Variants in TRIM25 observed in about 807,000 individuals in gnomAD.
TRIM25 encodes the protein tripartite motif containing 25.
Under a neutral mutation model 65.2 loss-of-function variants are expected in TRIM25, and 45 were observed. The observed-to-expected ratio is 0.69, with a 90% CI of 0.54 to 0.89. The LOEUF (loss-of-function observed/expected upper bound fraction) is 0.89. Ranked by LOEUF, TRIM25 falls within the 40% of genes least tolerant of loss-of-function variation. The pLI is 0.00. For missense variants in TRIM25, 714 were observed against 803.7 expected (o/e 0.89, Z 1.35); for synonymous variants, 321 against 340.4 (o/e 0.94, Z 0.63).
At chr17:56,903,336 T>C (rs1410072736) in intron 3 of TRIM25, among the ~76,000 whole-genome samples, 1 of 151,790 alleles carries the variant, frequency 6.6e-6, no homozygotes, top group Non-Finnish European at 1.5e-5. Context: ...GGGGCAGAGG[T>C]TTCAGTGAGC....
chr17:56,906,177 C>T (rs1259791461), intron 2 of TRIM25, among the ~76,000 whole-genome samples: 3 of 151,884 alleles, frequency 2.0e-5, no homozygotes, highest in Admixed American at 6.6e-5. Flanking sequence ...GATTAGATCA[C>T]GAGGGCTCTG....
At position 56,901,692 on chromosome 17, in the gene TRIM25, G is replaced by A. The variant is rs980922940; in HGVS notation, c.928-114C>T. The A allele has an allele frequency of 1.1e-5, 15 of 1,364,626 alleles. No individual in the cohort carries two copies. In the African/African-American group the frequency reaches 2.0e-4, roughly 18 times the overall value. The allele number at this position is 1,364,626 out of a possible 1,614,324, so 84.5% of individuals were successfully genotyped here. ...ATGCCCAAGAGTGCTAAGTCCAATT[G>A]GCCTTCTCAAATTACAGGCCAGAGG... is the stretch of plus-strand genomic sequence containing the variant. On this transcript the variant is annotated intron_variant, in intron 3 of 8. Coordinates refer to ENST00000316881, the MANE Select transcript of TRIM25 (RefSeq NM_005082.5).
At position 56,892,048 on chromosome 17, in the gene TRIM25, C is replaced by T. The variant is rs776935140; in HGVS notation, c.1545G>A (p.Glu515=). 8.1e-6 allele frequency: 13 copies of T among 1,614,078 alleles called. No homozygotes were observed. In the East Asian group the frequency reaches 2.7e-4, roughly 33 times the overall value. Residue 515 remains glutamate, a synonymous_variant, in exon 9 of 9, where the codon GAG becomes GAA. Coordinates refer to ENST00000316881, the MANE Select transcript of TRIM25 (RefSeq NM_005082.5). Reference sequence around the variant, plus strand: ...AGAAGTTGTTCTTCTGCAGCTCCACCTCCCAGTAGTGGATCCCCTTCTTGT... The same window carrying T: ...AGAAGTTGTTCTTCTGCAGCTCCACTTCCCAGTAGTGGATCCCCTTCTTGT... The part of the protein sequence containing the change: ...HCYKKGIHYW[E]VELQKNNFCG...
Position 56,913,598 on chromosome 17 carries a change from G to T in TRIM25, c.391C>A (p.Leu131Met). ...VCMASFCQEH[L>M]QPHFDSPAFQ... The stretch of plus-strand genomic sequence containing the variant: ...GCGGGGCTGTCGAAGTGCGGCTGCA[G>T]GTGCTCCTGACAGAAGGAGGCCATG... The change falls in exon 1 of 9, where the codon CTG becomes ATG. Residue 131 changes from leucine (L) to methionine (M), a missense_variant. By Grantham distance (15) the Leu-to-Met change is conservative. Transcript: ENST00000316881. This position sits in a 1 kb window ranked among gnomAD's most constrained non-coding sequence, Gnocchi z 6.1. 1 of 1,609,746 alleles carries T rather than the reference G, an allele frequency of 6.2e-7. No individual in the cohort carries two copies. The highest frequency in any genetic ancestry group is 8.5e-7 in the Non-Finnish European group (1 of 1,177,618).
chr17:56,892,530 T>C (rs893847769), intron 8 of TRIM25, among the ~76,000 whole-genome samples: 1 of 152,180 alleles, frequency 6.6e-6, no homozygotes, highest in Non-Finnish European at 1.5e-5. Context: ...TCCACTTATC[T>C]ATCCATCCTT....
rs1909158134 is a variant in TRIM25 at position 56,890,947 on chromosome 17, C to T, written c.*753G>A. ...TATGATACTTAGGAAGGATTTCCAC[C>T]CAAACTGGATCAGGGTCACCATGAC... On this transcript the variant is annotated 3_prime_UTR_variant, in exon 9 of 9. Transcript: ENST00000316881. 1 of 455,338 alleles carries T rather than the reference C, an allele frequency of 2.2e-6. No homozygotes were observed. Among genetic ancestry groups the T allele is most frequent in the East Asian group, 7.0e-5 (1 of 14,368 alleles). 28.2% of individuals were successfully genotyped at this position (455,338 alleles called of 1,614,324 possible).
At chr17:56,893,183 G>A (rs1909217589) in intron 8 of TRIM25, among the ~76,000 whole-genome samples, 1 of 150,134 alleles carries the variant, frequency 6.7e-6, no homozygotes, top group African/African-American at 2.5e-5. Flanking sequence ...GGGCTTAGGA[G>A]GCTAGACTTT....
chr17:56,911,591 A>AG (rs1452785852), intron 1 of TRIM25, among the ~76,000 whole-genome samples: 1 of 151,620 alleles, frequency 6.6e-6, no homozygotes, highest in Non-Finnish European at 1.5e-5. Flanking sequence ...AAAAAAAAAA[A>AG]AATTCTGATT....
chr17:56,904,156 C>T, intron 3 of TRIM25, 99 bp downstream of exon 3: 1 of 1,016,770 alleles, frequency 9.8e-7, no homozygotes, highest in Non-Finnish European at 1.5e-6. Flanking sequence ...TTCCAGTGAC[C>T]TCTTCCAGTC....
intron 8 of TRIM25, among the ~76,000 whole-genome samples, chr17:56,893,728 C>G (rs1011372852): frequency 1.3e-5 from 2 of 152,112 alleles, no homozygotes; most frequent in Non-Finnish European, 2.9e-5. Flanking sequence ...CCAGGTTGGA[C>G]GAGCTTGCAA....
chr17:56,893,412 C>A (rs1051742333), intron 8 of TRIM25, among the ~76,000 whole-genome samples: 1 of 152,190 alleles, frequency 6.6e-6, no homozygotes, highest in African/African-American at 2.4e-5. Context: ...CCGCTAGCAG[C>A]TTGGGCAAGA....
Position 56,913,411 on chromosome 17 carries a change from T to C in TRIM25, c.578A>G (p.Gln193Arg). 2 of 1,573,410 alleles carry C rather than the reference T, an allele frequency of 1.3e-6. No individual in the cohort carries two copies. The highest frequency in any genetic ancestry group is 1.7e-6 in the Non-Finnish European group (2 of 1,154,170). The change falls in exon 1 of 9, where the codon CAG (glutamine) becomes CGG (arginine). Residue 193 changes from glutamine (Q) to arginine (R), a missense_variant. Gln to Arg is a conservative substitution (Grantham distance 43, BLOSUM62 1). This residue lies in a region of TRIM25 where 291 missense variants were observed against 281.8 expected (regional missense o/e 1.03). Coordinates refer to ENST00000316881, the MANE Select transcript of TRIM25 (RefSeq NM_005082.5). This position sits in a 1 kb window ranked among gnomAD's most constrained non-coding sequence, Gnocchi z 6.1. ...HKTCSPASLS[Q>R]ASADLEATLR... ...CCCTACCTCCAGGTCGGCGCTGGCCTGGCTCAGGGACGCGGGAGAGCAGGT... is the reference window on the plus strand; with the variant it reads ...CCCTACCTCCAGGTCGGCGCTGGCCCGGCTCAGGGACGCGGGAGAGCAGGT...
At position 56,891,433 on chromosome 17, in the gene TRIM25, G is replaced by A; in HGVS notation, c.*267C>T. 2.1e-6 allele frequency: 1 copy of A among 485,528 alleles called. No individual in the cohort carries two copies. Among genetic ancestry groups the A allele is most frequent in the Non-Finnish European group, 3.7e-6 (1 of 267,728 alleles). The allele number at this position is 485,528 out of a possible 1,614,324, so 30.1% of individuals were successfully genotyped here. On this transcript the variant is annotated 3_prime_UTR_variant, in exon 9 of 9. Coordinates refer to ENST00000316881, the MANE Select transcript of TRIM25 (RefSeq NM_005082.5). ...TCCCAGAGCTCTGCCCAGCTGCCCA[G>A]CAGCCTGGAGATTTCCAGAACAATG...
chr17:56,911,652 G>T (rs1363841448), intron 1 of TRIM25, among the ~76,000 whole-genome samples: 1 of 152,114 alleles, frequency 6.6e-6, no homozygotes, highest in East Asian at 1.9e-4. Context: ...TACTCAGGAG[G>T]CTAAGATGGG....
Position 56,898,746 on chromosome 17 carries a change from G to A in TRIM25, c.1153+369C>T, listed in dbSNP as rs577081854. The stretch of plus-strand genomic sequence containing the variant: ...ACAGTTGAGAAACATGGTAATAGCA[G>A]AAGCCCATTACAACCCAGAGACTTA... On this transcript the variant is annotated intron_variant, in intron 5 of 8. Coordinates refer to ENST00000316881, the MANE Select transcript of TRIM25 (RefSeq NM_005082.5). Among the ~76,000 whole-genome samples, 4 of 151,806 alleles carry A rather than the reference G, an allele frequency of 2.6e-5. No individual in the cohort carries two copies. The South Asian group carries it at 8.3e-4, about 32-fold the overall frequency.
rs558479243 is a variant in TRIM25 at position 56,906,793 on chromosome 17, C to T, written c.693+1675G>A. On this transcript the variant is annotated intron_variant, in intron 2 of 8. Transcript: ENST00000316881. ...TACAGGCGTGAGCCATTGCGCCCAGCCTTCTTTGCCAATCTTTCACTGTGC... is the reference window on the plus strand; with the variant it reads ...TACAGGCGTGAGCCATTGCGCCCAGTCTTCTTTGCCAATCTTTCACTGTGC... Among the ~76,000 whole-genome samples the T allele has an allele frequency of 2.6e-5, 4 of 152,322 alleles. No individual in the cohort carries two copies. In the South Asian group the frequency reaches 8.3e-4, roughly 32 times the overall value.
intron 2 of TRIM25, among the ~76,000 whole-genome samples, chr17:56,907,802 G>A (rs976967831): frequency 2.0e-5 from 3 of 152,270 alleles, no homozygotes; most frequent in Non-Finnish European, 2.9e-5. Context: ...CTTGAGATTC[G>A]ATCATCATAG....
chr17:56,891,860 C>A lies in TRIM25; in HGVS notation c.1733G>T (p.Gly578Val). The stretch of plus-strand genomic sequence containing the variant: ...GCCGTGGTCACAGTTGAGAAGCACG[C>A]CCACCCGCGTGGCCTTGGTGGAGGG... ...TLPSTKATRV[G>V]VLLNCDHGFV... is the part of the protein sequence containing the mutation. The change falls in exon 9 of 9, where the codon GGC becomes GTC. Residue 578 changes from glycine to valine, a missense_variant. Gly to Val is a moderately radical substitution (Grantham distance 109). This residue lies in a region of TRIM25 where 413 missense variants were observed against 498.2 expected (regional missense o/e 0.83). Coordinates refer to ENST00000316881, the MANE Select transcript of TRIM25 (RefSeq NM_005082.5). 1 of 1,614,246 alleles carries A rather than the reference C, an allele frequency of 6.2e-7. No homozygotes were observed. The highest frequency in any genetic ancestry group is 1.6e-4 in the Middle Eastern group (1 of 6,062).
In TRIM25 at chr17:56,904,205, T is replaced by A. The variant is rs773840653; in HGVS notation, c.927+50A>T. Reference sequence around the variant, plus strand: ...GGGCCCTATCATCAACAGCATGACATCAGGCAAAAAAAAAAAAAAAACATT... The same window carrying A: ...GGGCCCTATCATCAACAGCATGACAACAGGCAAAAAAAAAAAAAAAACATT... On this transcript the variant is annotated intron_variant, in intron 3 of 8. Transcript: ENST00000316881. The A allele has an allele frequency of 4.2e-5, 61 of 1,440,310 alleles. 2 individuals carry two copies. In the African/African-American group the frequency reaches 7.2e-4, roughly 17 times the overall value. 89.2% of individuals were successfully genotyped at this position (1,440,310 alleles called of 1,614,324 possible). A position where few individuals can be genotyped will look rare whatever the true frequency, so the allele number is the denominator to read the frequency against.
Sources: allele counts gnomAD v4.1 joint callset (sites outside exome capture counted in the v4.1 genomes callset), GRCh38; gene constraint gnomAD v4.1.1; regional missense constraint gnomAD v4.1.1; non-coding constraint Gnocchi (gnomAD v3.1); transcripts MANE v1.5; gene names NCBI Gene and HGNC (gene_info 2026-07-23, HGNC 2026-07-21).